TSPAN18: variants seen among roughly 807,000 people sequenced by gnomAD.
TSPAN18 encodes tetraspanin-18.
Under a neutral mutation model 27.3 loss-of-function variants are expected in TSPAN18, and 14 were observed. The ratio of observed to expected loss-of-function variants is 0.51; its 90% CI spans 0.34 to 0.80. TSPAN18 has a LOEUF of 0.80. Ranked by LOEUF, TSPAN18 falls within the 30% of genes least tolerant of loss-of-function variation. The probability of loss-of-function intolerance (pLI) is 0.01; values close to 1 mark genes in which losing one functional copy is unlikely to be tolerated. For synonymous variants in TSPAN18, 143 were observed against 136.5 expected, an observed-to-expected ratio of 1.05 and a Z score of -0.33; for missense variants, 268 against 323.9, an observed-to-expected ratio of 0.83 and a Z score of 1.32.
At chr11:44,727,561 C>T (rs374384430) in intron 1 of TSPAN18, among the ~76,000 whole-genome samples, 4 of 152,102 alleles carry the variant, frequency 2.6e-5, no homozygotes, top group Non-Finnish European at 4.4e-5. Flanking sequence ...GGTGGGCTCC[C>T]AGTGCTCCGG....
Position 44,742,289 on chromosome 11 carries a change from TTCCCTCCC to T in TSPAN18, c.-240+15016_-240+15023del, listed in dbSNP as rs58857884. On this transcript the variant is annotated intron_variant, in intron 1 of 9. Coordinates refer to ENST00000520358, the MANE Select transcript of TSPAN18 (RefSeq NM_130783.5). ...CTTCCCTTTTTCCCTTCCTTCTTTC[TTCCCTCCC>T]TCCCTCCCTCCCTTTTTTCCTTTCT... Among the ~76,000 whole-genome samples, 8 of 140,540 alleles carry T rather than the reference TTCCCTCCC, an allele frequency of 5.7e-5. 1 individual carries two copies. The highest frequency in any genetic ancestry group is 7.4e-5 in the Admixed American group (1 of 13,536). 92.2% of individuals were successfully genotyped at this position (140,540 alleles called of 152,430 possible).
chr11:44,755,978 G>A (rs1166312686), intron 1 of TSPAN18, among the ~76,000 whole-genome samples: 1 of 151,966 alleles, frequency 6.6e-6, no homozygotes, highest in Non-Finnish European at 1.5e-5. Context: ...AAGAGAGATG[G>A]AGAGAGAGAT....
At position 44,930,588 on chromosome 11, in the gene TSPAN18, C is replaced by A. The variant is rs1437139400; in HGVS notation, c.*1410C>A. 1 of 304,418 alleles carries A rather than the reference C, an allele frequency of 3.3e-6. No individual in the cohort carries two copies. Among genetic ancestry groups the A allele is most frequent in the African/African-American group, 2.2e-5 (1 of 45,354 alleles). 18.9% of individuals were successfully genotyped at this position (304,418 alleles called of 1,614,324 possible). On this transcript the variant is annotated 3_prime_UTR_variant, in exon 10 of 10. Transcript: ENST00000520358. ...CTCCAGGCTTGGGCAGGGAGACTCG[C>A]AGATGCACACCCACAAGTATTCAGT...
chr11:44,761,636 C>T (rs192943211), intron 1 of TSPAN18, among the ~76,000 whole-genome samples: 4 of 152,298 alleles, frequency 2.6e-5, no homozygotes. Flanking sequence ...TTGTTATTGA[C>T]AGGCGCTGCC....
chr11:44,770,593 G>T (rs1855669327), intron 2 of TSPAN18, among the ~76,000 whole-genome samples: 1 of 152,164 alleles, frequency 6.6e-6, no homozygotes, highest in African/African-American at 2.4e-5. Context: ...TGAATCTAAA[G>T]ACTCTAAGTT....
chr11:44,777,956 G>A (rs1358863515), intron 2 of TSPAN18, among the ~76,000 whole-genome samples: 2 of 152,158 alleles, frequency 1.3e-5, no homozygotes, highest in Non-Finnish European at 2.9e-5. Context: ...AGGAGAGAAG[G>A]TGCCTCTTAA....
intron 3 of TSPAN18, among the ~76,000 whole-genome samples, chr11:44,877,966 A>G (rs1004156594): frequency 6.6e-6 from 1 of 151,772 alleles, no homozygotes; most frequent in Non-Finnish European, 1.5e-5. Flanking sequence ...ACTCACCACC[A>G]TATCTCCTGT....
At chr11:44,748,537 C>T (rs1311695284) in intron 1 of TSPAN18, among the ~76,000 whole-genome samples, 2 of 152,240 alleles carry the variant, frequency 1.3e-5, no homozygotes, top group South Asian at 2.1e-4. Flanking sequence ...CGTGTGCCAA[C>T]CTGGAATTAT....
At chr11:44,764,698 AC>A (rs1473678287) in intron 2 of TSPAN18, among the ~76,000 whole-genome samples, 186 bp downstream of exon 2, 1 of 152,090 alleles carries the variant, frequency 6.6e-6, no homozygotes, top group Non-Finnish European at 1.5e-5. Context: ...CTAGACATTT[AC>A]TCATGGGTGA....
At chr11:44,900,519 T>C (rs552957030) in intron 3 of TSPAN18, among the ~76,000 whole-genome samples, 9 of 152,116 alleles carry the variant, frequency 5.9e-5, no homozygotes. Context: ...CTCTGAAAAA[T>C]AGAATGACAT....
At position 44,908,092 on chromosome 11, in the gene TSPAN18, G is replaced by A. The variant is rs189757720; in HGVS notation, c.63+1613G>A. 6.1e-5 allele frequency among the ~76,000 whole-genome samples: 9 copies of A among 148,666 alleles called. No individual in the cohort carries two copies. The East Asian group carries it at 1.8e-3, about 30-fold the overall frequency. Reference sequence around the variant, plus strand: ...AAAAGGAGAGAGACACTGCACAGCAGATGGCAAAAATGGAAACCCTGTCGC... The same window carrying A: ...AAAAGGAGAGAGACACTGCACAGCAAATGGCAAAAATGGAAACCCTGTCGC... On this transcript the variant is annotated intron_variant, in intron 4 of 9. Transcript: ENST00000520358.
At chr11:44,802,934 G>T (rs968945721) in intron 2 of TSPAN18, among the ~76,000 whole-genome samples, 10 of 152,190 alleles carry the variant, frequency 6.6e-5, no homozygotes, top group African/African-American at 1.9e-4. Flanking sequence ...CTCCAAGATG[G>T]TGGGGACAGT....
intron 5 of TSPAN18, among the ~76,000 whole-genome samples, chr11:44,914,953 G>A (rs958433187): frequency 5.3e-5 from 8 of 152,218 alleles, no homozygotes; most frequent in Admixed American, 2.0e-4. Context: ...CCGGTCTTGC[G>A]AGAAGCACCG....
intron 2 of TSPAN18, among the ~76,000 whole-genome samples, chr11:44,824,817 T>A (rs1857001372): frequency 6.6e-6 from 1 of 152,232 alleles, no homozygotes; most frequent in Non-Finnish European, 1.5e-5. Flanking sequence ...AGAGACTGTG[T>A]GTCTGATGCT....
chr11:44,774,488 T>G (rs1052197567), intron 2 of TSPAN18, among the ~76,000 whole-genome samples: 2 of 152,298 alleles, frequency 1.3e-5, no homozygotes, highest in East Asian at 3.9e-4. Flanking sequence ...TCAAAACCTC[T>G]CTATTCAGGA....
At chr11:44,780,884 C>T (rs1034718920) in intron 2 of TSPAN18, among the ~76,000 whole-genome samples, 1 of 152,232 alleles carries the variant, frequency 6.6e-6, no homozygotes, top group Non-Finnish European at 1.5e-5. Flanking sequence ...AACTTGCCAG[C>T]TTCCTAAGGC....
chr11:44,927,794 C>T (rs912542002), intron 9 of TSPAN18, among the ~76,000 whole-genome samples: 3 of 152,170 alleles, frequency 2.0e-5, no homozygotes, highest in Non-Finnish European at 4.4e-5. Flanking sequence ...AGCTCTGCCT[C>T]TCTCCAAATG....
At chr11:44,787,647 AAG>A (rs1393171227) in intron 2 of TSPAN18, among the ~76,000 whole-genome samples, 1 of 151,884 alleles carries the variant, frequency 6.6e-6, no homozygotes, top group Non-Finnish European at 1.5e-5. Flanking sequence ...ACGAGGGTTA[AAG>A]AGAGACTGCA....
At chr11:44,841,052 G>A (rs1284460911) in intron 2 of TSPAN18, among the ~76,000 whole-genome samples, 3 of 152,194 alleles carry the variant, frequency 2.0e-5, no homozygotes, top group Admixed American at 2.0e-4. Flanking sequence ...CAGGGCAGCA[G>A]GAGCCCTGGA....
Sources: gnomAD v4.1 joint callset for allele counts (sites outside exome capture counted in the v4.1 genomes callset) on GRCh38, gnomAD v4.1.1 for gene constraint, MANE v1.5 for transcripts, NCBI Gene and HGNC (gene_info 2026-07-23, HGNC 2026-07-21) for gene names.